Variants in MYLK2 observed in about 807,000 individuals in gnomAD.
MYLK2 encodes the protein myosin light chain kinase 2.
A neutral mutation model predicts 58.2 loss-of-function variants in MYLK2; 27 were observed. The observed-to-expected ratio is 0.46, with a 90% CI of 0.34 to 0.64. MYLK2 has a LOEUF of 0.64. MYLK2 is among the 30% of genes least tolerant of loss of function. The pLI is 0.01. For missense variants in MYLK2, 676 were observed against 764.3 expected (o/e 0.88, Z 1.36); for synonymous variants, 310 against 296.7 (o/e 1.04, Z -0.46).
chr20:31,831,495 A>T (rs2062306159), intron 10 of MYLK2, among the ~76,000 whole-genome samples: 1 of 152,076 alleles, frequency 6.6e-6, no homozygotes, highest in South Asian at 2.1e-4. Flanking sequence ...CCCATTTTAC[A>T]GATGAGAAGA....
chr20:31,829,739 G>T (rs1050643566), intron 8 of MYLK2, among the ~76,000 whole-genome samples: 1 of 152,194 alleles, frequency 6.6e-6, no homozygotes, highest in African/African-American at 2.4e-5. Context: ...TGGAATTCAG[G>T]GTTTTTGTGC....
intron 8 of MYLK2, chr20:31,828,679 A>G (rs1456872445): frequency 1.0e-6 from 1 of 985,484 alleles, no homozygotes. Flanking sequence ...TGAAGCAGGC[A>G]GGGAGATGCT....
rs753472698 is a variant in MYLK2, at chr20:31,830,823, A to G, written c.1229A>G (p.Glu410Gly). 1.2e-6 allele frequency: 2 copies of G among 1,613,812 alleles called. No individual in the cohort carries two copies. Among genetic ancestry groups the G allele is most frequent in the Non-Finnish European group, 1.7e-6 (2 of 1,179,918 alleles). ...MRVLHLDLKP[E>G]NILCVNTTGH... Reference sequence around the variant, plus strand: ...GGCCACCCCCTTTCTCCTCAGCCAGAGAACATCCTGTGTGTCAACACCACC... The same window carrying G: ...GGCCACCCCCTTTCTCCTCAGCCAGGGAACATCCTGTGTGTCAACACCACC... Residue 410 changes from glutamate to glycine, a missense_variant, in exon 9 of 13, where the codon GAG becomes GGG. By Grantham distance (98) the Glu-to-Gly change is moderately conservative. Transcript: ENST00000375985.
At chr20:31,823,424 G>T in intron 4 of MYLK2, 53 bp from the exon 5 acceptor site, 1 of 1,522,290 alleles carries the variant, frequency 6.6e-7, no homozygotes, top group Non-Finnish European at 9.0e-7. Flanking sequence ...GTGCCAAGGG[G>T]AATCCTCAGC....
chr20:31,826,569 T>C (rs751947981), intron 6 of MYLK2, 36 bp from the exon 7 acceptor site: 1 of 1,613,274 alleles, frequency 6.2e-7, no homozygotes, highest in South Asian at 1.1e-5. Context: ...GGAGTGATGG[T>C]GCCCAGCTGG....
rs1408689283 is a variant in MYLK2, at chr20:31,826,783, G to A, written c.1083-14G>A. The A allele has an allele frequency of 3.7e-6, 6 of 1,614,166 alleles. No homozygotes were observed. The South Asian group carries it at 5.5e-5, about 15-fold the overall frequency. On this transcript the variant is annotated splice_polypyrimidine_tract_variant and intron_variant, in intron 7 of 12. Coordinates refer to ENST00000375985, the MANE Select transcript of MYLK2 (RefSeq NM_033118.4). ...CAGGCACGGAGCAAGCCGTGGAGGG[G>A]TCTGTGCACACAGCATCGAGGGCGG...
At chr20:31,820,029 G>A in intron 2 of MYLK2, 97 bp from the exon 3 acceptor site, 2 of 1,503,222 alleles carry the variant, frequency 1.3e-6, no homozygotes, top group South Asian at 1.1e-5. Flanking sequence ...GTTGTTGCCT[G>A]GGTGGGAACC....
chr20:31,831,637 C>G lies in MYLK2; in HGVS notation c.1425-66C>G, dbSNP rs746728443. 7 of 1,575,298 alleles carry G rather than the reference C, an allele frequency of 4.4e-6. No individual in the cohort carries two copies. In the African/African-American group the frequency reaches 8.1e-5, roughly 18 times the overall value. On this transcript the variant is annotated intron_variant, in intron 10 of 12. Coordinates refer to ENST00000375985, the MANE Select transcript of MYLK2 (RefSeq NM_033118.4). ...TCCTAGGATCTGCCCCTGTTCCCTA[C>G]CCCTCTGAAGGTGACTCAGCACCTC...
At chr20:31,819,796 C>G (rs118108779) in intron 2 of MYLK2, among the ~76,000 whole-genome samples, 164 bp downstream of exon 2, 2,790 of 152,260 alleles carry the variant, frequency 0.018, 34 homozygotes, top group Middle Eastern at 0.041. Flanking sequence ...TGGGCTGGGT[C>G]CAGGGCCTGT....
chr20:31,824,012 C>T (rs2062265767), intron 5 of MYLK2: 1 of 985,330 alleles, frequency 1.0e-6, no homozygotes, highest in Admixed American at 6.1e-5. Flanking sequence ...GCCATCCTCC[C>T]TACACGCCTG....
At chr20:31,821,068 T>C (rs1191586492) in intron 3 of MYLK2, among the ~76,000 whole-genome samples, 1 of 152,166 alleles carries the variant, frequency 6.6e-6, no homozygotes, top group Non-Finnish European at 1.5e-5. Context: ...ACCTGAATGC[T>C]AATGAGGTCA....
Position 31,828,001 on chromosome 20 carries a change from C to A in MYLK2, c.1224+1063C>A, listed in dbSNP as rs913450130. On this transcript the variant is annotated intron_variant, in intron 8 of 12. Transcript: ENST00000375985. ...CTCCTGGGCTCAAGCAATTCTTTTG[C>A]CTCAGCCTCCCGAGTAGCTGGGATT... 3.4e-5 allele frequency among the ~76,000 whole-genome samples: 5 copies of A among 147,836 alleles called. No homozygotes were observed. In the South Asian group the frequency reaches 1.1e-3, roughly 31 times the overall value.
In MYLK2 at chr20:31,828,368, G is replaced by A. The variant is rs180884972; in HGVS notation, c.1224+1430G>A. 329 of 985,328 alleles carry A rather than the reference G, an allele frequency of 3.3e-4. 1 individual carries two copies. In the African/African-American group the frequency reaches 5.2e-3, roughly 15 times the overall value. The allele number at this position is 985,328 out of a possible 1,614,324, so 61.0% of individuals were successfully genotyped here. A position where few individuals can be genotyped will look rare whatever the true frequency, so the allele number is the denominator to read the frequency against. On this transcript the variant is annotated intron_variant, in intron 8 of 12. Coordinates refer to ENST00000375985, the MANE Select transcript of MYLK2 (RefSeq NM_033118.4). The stretch of plus-strand genomic sequence containing the variant: ...GGACATGGAATCTTAATGTGGAGGC[G>A]CGTGAGCACCCATCAGCAAAGTGGA...
At chr20:31,827,135 G>A (rs1231174411) in intron 8 of MYLK2, 197 bp downstream of exon 8, 9 of 982,148 alleles carry the variant, frequency 9.2e-6, no homozygotes, top group African/African-American at 8.8e-5. Flanking sequence ...GAGAGAGAGG[G>A]GGGGAAAAAA....
At chr20:31,823,924 T>TCCTCCCTCTGCCTGAAGGTGC (rs2062265354) in intron 5 of MYLK2, 1 of 984,398 alleles carries the variant, frequency 1.0e-6, no homozygotes, top group Non-Finnish European at 1.2e-6. Flanking sequence ...CCTCTGCAGA[T>TCCTCCCTCTGCCTGAAGGTGC]CCTCCCTCTG....
At chr20:31,824,908 G>A (rs935590417) in intron 6 of MYLK2, among the ~76,000 whole-genome samples, 4 of 152,218 alleles carry the variant, frequency 2.6e-5, no homozygotes, top group African/African-American at 4.8e-5. Flanking sequence ...GGGAAACTGC[G>A]GGGTAGCATT....
At position 31,819,588 on chromosome 20, in the gene MYLK2, C is replaced by T. The variant is rs2062241187; in HGVS notation, c.8C>T (p.Thr3Ile). Residue 3 changes from threonine to isoleucine, a missense_variant, in exon 2 of 13, where the codon ACA (threonine) becomes ATA (isoleucine). This residue lies in a region of MYLK2 where 306 missense variants were observed against 296.5 expected (regional missense o/e 1.03). Transcript: ENST00000375985. The stretch of plus-strand genomic sequence containing the variant: ...CACACGCCTCCCTACCTCATGGCGA[C>T]AGAAAATGGAGCAGTTGAGCTGGGA... Reference protein sequence around the residue: MATENGAVELGIQ... With the variant: MAIENGAVELGIQ... 3.9e-6 allele frequency: 6 copies of T among 1,551,574 alleles called. No individual in the cohort carries two copies. The highest frequency in any genetic ancestry group is 5.2e-6 in the Non-Finnish European group (6 of 1,147,000).
intron 8 of MYLK2, among the ~76,000 whole-genome samples, chr20:31,829,090 G>GTT (rs2062293209): frequency 1.3e-5 from 2 of 152,066 alleles, no homozygotes; most frequent in East Asian, 3.9e-4. Flanking sequence ...TGAGCTGGGG[G>GTT]CAGTTGGTGC....
At chr20:31,823,835 G>T in intron 5 of MYLK2, 4 of 643,786 alleles carry the variant, frequency 6.2e-6, no homozygotes, top group Non-Finnish European at 7.7e-6. Flanking sequence ...GCATTTTTCT[G>T]TCTGTCTCAG....
Sources: allele counts gnomAD v4.1 joint callset (sites outside exome capture counted in the v4.1 genomes callset), GRCh38; gene constraint gnomAD v4.1.1; regional missense constraint gnomAD v4.1.1; transcripts MANE v1.5; gene names NCBI Gene and HGNC (gene_info 2026-07-23, HGNC 2026-07-21).